OVCH1: variants seen among roughly 807,000 people sequenced by gnomAD.
OVCH1 encodes ovochymase-1.
In OVCH1, 139 loss-of-function variants were observed where a neutral mutation model predicts 138.4. That is an observed-to-expected ratio of 1.00 (90% CI 0.87 to 1.16). The LOEUF (loss-of-function observed/expected upper bound fraction) is 1.16, where lower values mean the gene tolerates loss of function less well. Ranked by LOEUF, OVCH1 falls within the 50% of genes most tolerant of loss-of-function variation. The pLI, the probability that OVCH1 is intolerant of heterozygous loss-of-function variation, is 0.00. For synonymous variants in OVCH1, 453 were observed against 467.8 expected, an observed-to-expected ratio of 0.97 and a Z score of 0.41; for missense variants, 1,367 against 1,357.9, an observed-to-expected ratio of 1.01 and a Z score of -0.11.
At chr12:29,476,749 A>ACGCG (rs145053170) in intron 12 of OVCH1, among the ~76,000 whole-genome samples, 1,460 of 17,146 alleles carry the variant, frequency 0.085, 24 homozygotes, top group African/African-American at 0.12. Flanking sequence ...ATAAGTACAC[A>ACGCG]CGCGCGCACA....
chr12:29,439,795 C>T (rs1192286888), intron 25 of OVCH1, among the ~76,000 whole-genome samples, 58 bp downstream of exon 26: 1 of 152,180 alleles, frequency 6.6e-6, no homozygotes, highest in Non-Finnish European at 1.5e-5. Context: ...CCCACGATCC[C>T]CTCCTCAGGT....
chr12:29,406,665 A>G, the OVCH1 span, among the ~76,000 whole-genome samples: 10 of 148,312 alleles, frequency 6.7e-5, no homozygotes, highest in African/African-American at 2.5e-4. Flanking sequence ...ATAGTATTCC[A>G]TGGTGTATAT....
intron 3 of OVCH1, among the ~76,000 whole-genome samples, chr12:29,418,824 A>C (rs556222727): frequency 1.3e-5 from 2 of 152,310 alleles, no homozygotes; most frequent in Admixed American, 1.3e-4. Context: ...GTCATTTTTC[A>C]TAATTACTAA....
At chr12:29,425,871 T>C (rs544950355), downstream of OVCH1, 1 of 152,288 alleles carries the variant, frequency 6.6e-6, no homozygotes, top group African/African-American at 2.4e-5. Context: ...TCCTTCTGTC[T>C]TCTCTCTTCT....
chr12:29,411,685 C>T (rs188833565), downstream of OVCH1, among the ~76,000 whole-genome samples: 123 of 152,198 alleles, frequency 8.1e-4, no homozygotes, highest in East Asian at 0.017. Flanking sequence ...GAGGAGTACC[C>T]GGCCGTGTGA....
chr12:29,471,411 C>T (rs1024728680), intron 16 of OVCH1, among the ~76,000 whole-genome samples: 36 of 152,036 alleles, frequency 2.4e-4, no homozygotes, highest in African/African-American at 7.7e-4. Context: ...TGTGGTAAGG[C>T]GTCTGGAATT....
At chr12:29,417,547 T>A (rs1418519956) in intron 3 of OVCH1, among the ~76,000 whole-genome samples, 1 of 150,514 alleles carries the variant, frequency 6.6e-6, no homozygotes, top group African/African-American at 2.4e-5. Context: ...TGTATCAATA[T>A]CCTATAAGAT....
exon 22 of OVCH1, chr12:29,451,403 C>G (rs778506641): frequency 6.8e-6 from 11 of 1,613,292 alleles, no homozygotes; most frequent in Non-Finnish European, 6.8e-6. Context: ...AGTCTTGACA[C>G]ACAGGAGACC....
chr12:29,424,304 C>T (rs968523407), downstream of OVCH1, among the ~76,000 whole-genome samples: 2 of 152,176 alleles, frequency 1.3e-5, no homozygotes, highest in African/African-American at 2.4e-5. Context: ...CGCCTTTAAG[C>T]AGTTTTCCAT....
chr12:29,453,754 G>C (rs1478850318), intron 21 of OVCH1, among the ~76,000 whole-genome samples: 2 of 151,690 alleles, frequency 1.3e-5, no homozygotes, highest in Non-Finnish European at 2.9e-5. Context: ...ACATACTTGG[G>C]GATACTCCAC....
At chr12:29,493,973 C>T (rs1943343322) in intron 4 of OVCH1, among the ~76,000 whole-genome samples, 1 of 152,202 alleles carries the variant, frequency 6.6e-6, no homozygotes, top group Admixed American at 6.5e-5. Flanking sequence ...GCTGATTACT[C>T]ACCTGGAACC....
chr12:29,438,427 A>G (rs1941404258), intron 26 of OVCH1, among the ~76,000 whole-genome samples: 1 of 151,846 alleles, frequency 6.6e-6, no homozygotes, highest in Admixed American at 6.6e-5. Context: ...TTTACTTTAC[A>G]AGATAAACTT....
chr12:29,426,311 T>C (rs527882889), downstream of OVCH1, among the ~76,000 whole-genome samples: 5 of 152,304 alleles, frequency 3.3e-5, no homozygotes, highest in African/African-American at 1.2e-4. Context: ...AGCAGAGAAA[T>C]GGGATAATTG....
chr12:29,470,468 G>A (rs953860200), intron 16 of OVCH1, among the ~76,000 whole-genome samples: 1 of 152,066 alleles, frequency 6.6e-6, no homozygotes, highest in African/African-American at 2.4e-5. Context: ...AACATGCATT[G>A]TTTGGTTTTC....
At chr12:29,452,240 T>G (rs1490305697) in intron 21 of OVCH1, among the ~76,000 whole-genome samples, 2 of 152,192 alleles carry the variant, frequency 1.3e-5, no homozygotes, top group African/African-American at 2.4e-5. Flanking sequence ...TTTTAATGTA[T>G]GTGTTAGTGA....
chr12:29,471,014 C>CCACACT (rs1942488956), intron 16 of OVCH1, among the ~76,000 whole-genome samples: 1 of 151,978 alleles, frequency 6.6e-6, no homozygotes, highest in Admixed American at 6.6e-5. Context: ...ACATAAATGT[C>CCACACT]TTTTTTGAGA....
intron 25 of OVCH1, among the ~76,000 whole-genome samples, chr12:29,441,418 T>G (rs1191437619): frequency 1.3e-5 from 2 of 152,330 alleles, no homozygotes; most frequent in East Asian, 3.9e-4. Context: ...GCTAGCCATA[T>G]GGAGAAAGCT....
At chr12:29,429,990 T>G (rs962945772) in intron 27 of OVCH1, among the ~76,000 whole-genome samples, 20 of 151,138 alleles carry the variant, frequency 1.3e-4, no homozygotes, top group African/African-American at 4.7e-4. Flanking sequence ...TATTTGACCT[T>G]AAATCACAAA....
chr12:29,495,431 G>A lies in OVCH1; in HGVS notation c.308C>T (p.Thr103Ile), dbSNP rs72640150. 18,209 of 1,613,172 alleles carry A rather than the reference G, an allele frequency of 0.011. 1,052 individuals are homozygous for A. The East Asian group carries it at 0.18, about 16-fold the overall frequency. Reference sequence around the variant, plus strand: ...CTGAAAGAGGCTGTACTCCCCAGAAGTCACAGTTATATTCTTCAGCTGCTT... The same window carrying A: ...CTGAAAGAGGCTGTACTCCCCAGAAATCACAGTTATATTCTTCAGCTGCTT... Residue 103 changes from threonine to isoleucine, a missense_variant, in exon 4 of 28, where the codon ACT becomes ATT. Physicochemically the swap from Thr to Ile is moderately conservative, Grantham distance 89. Coordinates refer to ENST00000318184, the Ensembl canonical transcript of OVCH1.
Sources: allele counts gnomAD v4.1 joint callset (sites outside exome capture counted in the v4.1 genomes callset), GRCh38; gene constraint gnomAD v4.1.1; transcripts MANE v1.5; gene names NCBI Gene and HGNC (gene_info 2026-07-23, HGNC 2026-07-21).